VWA5B1: variants seen among roughly 807,000 people sequenced by gnomAD.
The protein encoded by VWA5B1 is von Willebrand factor A domain-containing protein 5B1.
Under a neutral mutation model 118.2 loss-of-function variants are expected in VWA5B1, and 115 were observed. That is an observed-to-expected ratio of 0.97 (90% CI 0.84 to 1.14). The LOEUF (loss-of-function observed/expected upper bound fraction) is 1.14, where lower values mean the gene tolerates loss of function less well. Among genes scored for constraint, VWA5B1 ranks in the 50% most tolerant of loss-of-function variants. The pLI is 0.00. For synonymous variants in VWA5B1, 682 were observed against 658.4 expected, an observed-to-expected ratio of 1.04 and a Z score of -0.55; for missense variants, 1,596 against 1,603.8, an observed-to-expected ratio of 1.00 and a Z score of 0.08.
At position 20,345,571 on chromosome 1, in the gene VWA5B1, C is replaced by A. The variant is rs757706823; in HGVS notation, c.2742C>A (p.Thr914=). Residue 914 remains threonine, a synonymous_variant, in exon 17 of 22, where the codon ACC becomes ACA. Coordinates refer to ENST00000289815, the MANE Select transcript of VWA5B1 (RefSeq NM_001039500.3). Reference sequence around the variant, plus strand: ...TGAGCAAGAGCCGGTACCTGCCCACCGTGGTGGAGTACCCCAACTCTGGTA... The same window carrying A: ...TGAGCAAGAGCCGGTACCTGCCCACAGTGGTGGAGTACCCCAACTCTGGTA... ...VDVSKSRYLP[T]VVEYPNSGAA... 2.0e-5 allele frequency: 31 copies of A among 1,550,026 alleles called. No homozygotes were observed. Among genetic ancestry groups the A allele is most frequent in the Non-Finnish European group, 2.6e-5 (30 of 1,146,538 alleles).
At chr1:20,327,146 G>T (rs1033685026) in intron 8 of VWA5B1, among the ~76,000 whole-genome samples, 1 of 151,782 alleles carries the variant, frequency 6.6e-6, no homozygotes, top group African/African-American at 2.4e-5. Context: ...GTTATGTTTA[G>T]TGTCCATAGA....
At chr1:20,296,374 C>T (rs115228148) in intron 1 of VWA5B1, among the ~76,000 whole-genome samples, 1,562 of 152,296 alleles carry the variant, frequency 0.01, 13 homozygotes, top group Middle Eastern at 0.024. Flanking sequence ...AAACTGACAT[C>T]ATGTGAAAGT....
chr1:20,314,148 C>G (rs889821583), intron 3 of VWA5B1, among the ~76,000 whole-genome samples, 174 bp from the exon 4 acceptor site: 1 of 152,074 alleles, frequency 6.6e-6, no homozygotes, highest in African/African-American at 2.4e-5. Flanking sequence ...TAGAGTCAGA[C>G]GCATGGGGGT....
chr1:20,327,054 T>G (rs944435488), intron 8 of VWA5B1, among the ~76,000 whole-genome samples: 1 of 152,052 alleles, frequency 6.6e-6, no homozygotes, highest in African/African-American at 2.4e-5. Flanking sequence ...CAATTTTGCT[T>G]CTACCATCAC....
At position 20,291,387 on chromosome 1, in the gene VWA5B1, T is replaced by TCTCTCTCTCTCTCTC. The variant is rs57894456; in HGVS notation, c.-27+299_-27+300insCTCTCTCTCTCTCTC. 9.1e-3 allele frequency among the ~76,000 whole-genome samples: 1,034 copies of TCTCTCTCTCTCTCTC among 114,092 alleles called. 30 individuals carry two copies. Among genetic ancestry groups the TCTCTCTCTCTCTCTC allele is most frequent in the East Asian group, 0.031 (108 of 3,514 alleles). The allele number at this position is 114,092 out of a possible 152,430, so 74.8% of individuals were successfully genotyped here. On this transcript the variant is annotated intron_variant, in intron 1 of 21. Coordinates refer to ENST00000289815, the MANE Select transcript of VWA5B1 (RefSeq NM_001039500.3). Reference sequence around the variant, plus strand: ...TCTCTCTCTCTCTCTCTCTCTCTCTTTCTGTCTCCTCTATTTCTCTCCCTC... The same window carrying TCTCTCTCTCTCTCTC: ...TCTCTCTCTCTCTCTCTCTCTCTCTTCTCTCTCTCTCTCTCTCTGTCTCCTCTATTTCTCTCCCTC...
rs1002274574 is a variant in VWA5B1 at position 20,342,520 on chromosome 1, G to C, written c.2222G>C (p.Cys741Ser). 10 of 1,550,006 alleles carry C rather than the reference G, an allele frequency of 6.5e-6. No individual in the cohort carries two copies. Among genetic ancestry groups the C allele is most frequent in the Non-Finnish European group, 8.7e-6 (10 of 1,146,446 alleles). The change falls in exon 15 of 22, where the codon TGC becomes TCC. Residue 741 changes from cysteine to serine, a missense_variant. By Grantham distance (112) the Cys-to-Ser change is moderately radical (BLOSUM62 -1). Transcript: ENST00000289815. ...ARRPSLLPQG[C>S]QPFLPWGQET... The stretch of plus-strand genomic sequence containing the variant: ...AGGCCCTCTCTGCTGCCCCAAGGCT[G>C]CCAGCCCTTCCTGCCCTGGGGCCAG...
chr1:20,326,506 C>T (rs912400827), intron 8 of VWA5B1, among the ~76,000 whole-genome samples: 1 of 152,140 alleles, frequency 6.6e-6, no homozygotes, highest in Non-Finnish European at 1.5e-5. Context: ...CACTCTGTTG[C>T]CCAGGCTGGA....
chr1:20,305,665 A>G (rs1272465189), intron 1 of VWA5B1, among the ~76,000 whole-genome samples: 2 of 151,888 alleles, frequency 1.3e-5, no homozygotes, highest in Admixed American at 6.6e-5. Flanking sequence ...GAAGGTTTGG[A>G]GAGGTGGGCA....
At chr1:20,301,603 G>T (rs1489948027) in intron 1 of VWA5B1, among the ~76,000 whole-genome samples, 1 of 152,192 alleles carries the variant, frequency 6.6e-6, no homozygotes, top group Non-Finnish European at 1.5e-5. Flanking sequence ...CTCTAGAGGG[G>T]CAGTGGCTGG....
chr1:20,337,971 C>A (rs1192480330), intron 14 of VWA5B1, 135 bp downstream of exon 14: 4 of 1,164,450 alleles, frequency 3.4e-6, no homozygotes, highest in Non-Finnish European at 5.0e-6. Context: ...CTTTCCTTCC[C>A]TAGGCCTTCA....
chr1:20,306,262 C>A (rs1194541227), intron 1 of VWA5B1, among the ~76,000 whole-genome samples: 1 of 151,866 alleles, frequency 6.6e-6, no homozygotes, highest in Non-Finnish European at 1.5e-5. Context: ...GAGCCATGAG[C>A]ACGTGCATGT....
chr1:20,331,899 C>T (rs1016191874), intron 11 of VWA5B1, among the ~76,000 whole-genome samples: 1 of 152,142 alleles, frequency 6.6e-6, no homozygotes, highest in African/African-American at 2.4e-5. Context: ...GTTTGCAGTA[C>T]AGAACATCCA....
chr1:20,323,303 A>G, intron 7 of VWA5B1, 53 bp from the exon 8 acceptor site: 1 of 1,389,568 alleles, frequency 7.2e-7, no homozygotes, highest in Non-Finnish European at 9.4e-7. Flanking sequence ...ATGAGTCCCC[A>G]GGAGTACCTC....
intron 1 of VWA5B1, 92 bp from the exon 2 acceptor site, chr1:20,310,484 C>T: frequency 8.1e-7 from 1 of 1,235,672 alleles, no homozygotes; most frequent in Non-Finnish European, 1.1e-6. Flanking sequence ...CAATGATGCT[C>T]TGATTGCTTG....
chr1:20,343,573 C>T (rs924911819), intron 16 of VWA5B1, among the ~76,000 whole-genome samples, 180 bp downstream of exon 16: 2 of 142,760 alleles, frequency 1.4e-5, no homozygotes, highest in African/African-American at 5.3e-5. Flanking sequence ...TCCCCGCCTA[C>T]TCTCCCTATG....
intron 8 of VWA5B1, 106 bp from the exon 9 acceptor site, chr1:20,327,784 T>G (rs1570147031): frequency 4.2e-6 from 4 of 951,896 alleles, no homozygotes; most frequent in Non-Finnish European, 6.6e-6. Flanking sequence ...AGGGTAAAGG[T>G]CTGTTTGGAG....
chr1:20,323,087 C>T, intron 7 of VWA5B1: 1 of 308,540 alleles, frequency 3.2e-6, no homozygotes, highest in Non-Finnish European at 5.9e-6. Context: ...TAAATAGACC[C>T]AGAGGAGGGA....
chr1:20,304,752 C>G (rs546674553), intron 1 of VWA5B1, among the ~76,000 whole-genome samples: 1 of 152,056 alleles, frequency 6.6e-6, no homozygotes, highest in Non-Finnish European at 1.5e-5. Context: ...GAGGGAAGCT[C>G]GGCACAGGAG....
intron 7 of VWA5B1, 33 bp downstream of exon 7, chr1:20,319,539 G>A: frequency 9.7e-6 from 15 of 1,550,026 alleles, no homozygotes; most frequent in Non-Finnish European, 1.3e-5. Flanking sequence ...GCGGACGGTG[G>A]CAGAGTTGGG....
Sources: gnomAD v4.1 joint callset for allele counts (sites outside exome capture counted in the v4.1 genomes callset) on GRCh38, gnomAD v4.1.1 for gene constraint, MANE v1.5 for transcripts, NCBI Gene and HGNC (gene_info 2026-07-23, HGNC 2026-07-21) for gene names.